Variants in PDE5A observed in about 807,000 individuals in gnomAD.
PDE5A encodes phosphodiesterase 5A, also known as cGMP-specific 3',5'-cyclic phosphodiesterase.
PDE5A carries 67 observed loss-of-function variants against 110.2 expected under a neutral mutation model. The ratio of observed to expected loss-of-function variants is 0.61; its 90% CI spans 0.50 to 0.75. The LOEUF is 0.75. Ranked by LOEUF, PDE5A falls within the 30% of genes least tolerant of loss-of-function variation. PDE5A has a pLI of 0.00. For synonymous variants in PDE5A, 328 were observed against 351.2 expected (o/e 0.93, Z 0.74); for missense variants, 862 against 1,045.1 (o/e 0.82, Z 2.42).
chr4:119,572,214 T>G (rs188086903), intron 3 of PDE5A, among the ~76,000 whole-genome samples: 1 of 152,342 alleles, frequency 6.6e-6, no homozygotes, highest in East Asian at 1.9e-4. Context: ...ATCCTAGCCC[T>G]GCAATTAGAT....
intron 3 of PDE5A, among the ~76,000 whole-genome samples, chr4:119,572,795 T>C (rs540140352): frequency 6.6e-6 from 1 of 152,152 alleles, no homozygotes; most frequent in Non-Finnish European, 1.5e-5. Context: ...AAAAGACGCA[T>C]TGACAACTAC....
At chr4:119,575,181 C>T (rs1450365620) in intron 3 of PDE5A, among the ~76,000 whole-genome samples, 2 of 152,132 alleles carry the variant, frequency 1.3e-5, no homozygotes, top group Non-Finnish European at 2.9e-5. Flanking sequence ...AAATATGGGA[C>T]TATGTGAAAA....
At chr4:119,503,343 A>G (rs1352184648) in intron 18 of PDE5A, among the ~76,000 whole-genome samples, 1 of 152,156 alleles carries the variant, frequency 6.6e-6, no homozygotes, top group Non-Finnish European at 1.5e-5. Flanking sequence ...CTGAGCCTGT[A>G]TTGCCTCTGC....
intron 18 of PDE5A, among the ~76,000 whole-genome samples, 162 bp downstream of exon 18, chr4:119,504,374 C>T (rs887149076): frequency 4.4e-4 from 67 of 152,176 alleles, no homozygotes; most frequent in African/African-American, 1.6e-3. Context: ...AGGTTAGTTC[C>T]ATGACTTTGC....
At chr4:119,596,489 C>T (rs745673162) in intron 3 of PDE5A, 34 bp downstream of exon 3, 1 of 1,192,028 alleles carries the variant, frequency 8.4e-7, no homozygotes, top group Non-Finnish European at 1.2e-6. Flanking sequence ...AAAATATTTC[C>T]AATGACCTTT....
intron 7 of PDE5A, among the ~76,000 whole-genome samples, chr4:119,555,008 T>G (rs944616302): frequency 6.6e-6 from 1 of 152,104 alleles, no homozygotes; most frequent in Non-Finnish European, 1.5e-5. Flanking sequence ...GTTTCCAAAG[T>G]TCCAATGTTT....
At chr4:119,539,134 G>T in intron 10 of PDE5A, 115 bp from the exon 11 acceptor site, 1 of 779,692 alleles carries the variant, frequency 1.3e-6, no homozygotes, top group South Asian at 1.5e-5. Flanking sequence ...AGACTCCTCA[G>T]AATGCCAAAT....
intron 9 of PDE5A, chr4:119,543,125 T>G (rs1161676901): frequency 6.9e-6 from 1 of 144,820 alleles, no homozygotes; most frequent in Non-Finnish European, 1.5e-5. Context: ...GCAACTGACA[T>G]AAGCAGTCTC....
intron 1 of PDE5A, among the ~76,000 whole-genome samples, chr4:119,621,863 A>T (rs1560647047): frequency 6.6e-6 from 1 of 152,194 alleles, no homozygotes; most frequent in Admixed American, 6.5e-5. Flanking sequence ...ATAGGAGTAC[A>T]TTACTTAAGT....
chr4:119,542,324 A>G, intron 10 of PDE5A, 135 bp downstream of exon 10: 5 of 700,772 alleles, frequency 7.1e-6, no homozygotes, highest in Non-Finnish European at 1.2e-5. Flanking sequence ...GACAATAAGG[A>G]TCTCATCATC....
Position 119,539,156 on chromosome 4 carries a change from T to G in PDE5A, c.1573-137A>C, listed in dbSNP as rs1726833377. 7.1e-6 allele frequency: 5 copies of G among 708,612 alleles called. No individual in the cohort carries two copies. The Admixed American group carries it at 1.2e-4, about 16-fold the overall frequency. 43.9% of individuals were successfully genotyped at this position (708,612 alleles called of 1,614,324 possible). On this transcript the variant is annotated intron_variant, in intron 10 of 20. Coordinates refer to ENST00000354960, the MANE Select transcript of PDE5A (RefSeq NM_001083.4). Reference sequence around the variant, plus strand: ...TCAGAATGCCAAATCTTGTTTGCTGTTTTCTTCAACAGTGAAAAACCCAGA... The same window carrying G: ...TCAGAATGCCAAATCTTGTTTGCTGGTTTCTTCAACAGTGAAAAACCCAGA...
At chr4:119,587,262 G>T (rs1405282149) in intron 3 of PDE5A, among the ~76,000 whole-genome samples, 1 of 150,106 alleles carries the variant, frequency 6.7e-6, no homozygotes, top group Non-Finnish European at 1.5e-5. Context: ...GCATGCAGTG[G>T]CAAGATCTCG....
Position 119,560,370 on chromosome 4 carries a change from A to G in PDE5A, c.1132-7T>C. On this transcript the variant is annotated splice_polypyrimidine_tract_variant and splice_region_variant and intron_variant, in intron 6 of 20. Coordinates refer to ENST00000354960, the MANE Select transcript of PDE5A (RefSeq NM_001083.4). ...ACACACTAGAAAAAGAATCCTAAAA[A>G]CAGACAACACAGGCTGAGAAATAAG... The G allele has an allele frequency of 6.4e-7, 1 of 1,570,698 alleles. No homozygotes were observed. Among genetic ancestry groups the G allele is most frequent in the South Asian group, 1.2e-5 (1 of 82,244 alleles).
chr4:119,611,135 C>T (rs1445962587), intron 1 of PDE5A, among the ~76,000 whole-genome samples: 2 of 152,204 alleles, frequency 1.3e-5, no homozygotes, highest in Admixed American at 1.3e-4. Context: ...TTCCACATCC[C>T]CTGCTCAAAC....
intron 11 of PDE5A, among the ~76,000 whole-genome samples, chr4:119,528,421 T>TA: frequency 6.8e-6 from 1 of 146,950 alleles, no homozygotes. Flanking sequence ...CTAATTGTTC[T>TA]AAATACCATC....
At position 119,562,960 on chromosome 4, in the gene PDE5A, T is replaced by C; in HGVS notation, c.1004A>G (p.Asp335Gly). 1 of 1,586,432 alleles carries C rather than the reference T, an allele frequency of 6.3e-7. No individual in the cohort carries two copies. The highest frequency in any genetic ancestry group is 8.5e-7 in the Non-Finnish European group (1 of 1,171,126). ...LENKRNQVLL[D>G]LASLIFEEQQ... ...TTCTTCAAAAATTAAACTAGCAAGG[T>C]CAAGCAGCACCTAGACAAAAAAATT... Residue 335 changes from aspartate to glycine, a missense_variant, in exon 6 of 21, where the codon GAC becomes GGC. Transcript: ENST00000354960.
chr4:119,558,534 T>G (rs1727620100), intron 7 of PDE5A, among the ~76,000 whole-genome samples: 1 of 152,104 alleles, frequency 6.6e-6, no homozygotes, highest in South Asian at 2.1e-4. Flanking sequence ...AGGAACAAAA[T>G]AAAGAATTTG....
chr4:119,597,391 C>T (rs1248091626), intron 2 of PDE5A, among the ~76,000 whole-genome samples: 1 of 151,036 alleles, frequency 6.6e-6, no homozygotes, highest in Non-Finnish European at 1.5e-5. Context: ...TGAAGGAATT[C>T]ATTAACAAAT....
chr4:119,628,437 GC>G (rs1343021676), intron 1 of PDE5A, 82 bp downstream of exon 1: 1 of 1,175,670 alleles, frequency 8.5e-7, no homozygotes, highest in African/African-American at 1.5e-5. Flanking sequence ...AAAGCAAAGG[GC>G]CTGGGAACAG....
Sources: allele counts gnomAD v4.1 joint callset (sites outside exome capture counted in the v4.1 genomes callset), GRCh38; gene constraint gnomAD v4.1.1; transcripts MANE v1.5; gene names NCBI Gene and HGNC (gene_info 2026-07-23, HGNC 2026-07-21).